The following VPS13B variants were observed in gnomAD, a reference collection of about 807,000 sequenced individuals.
VPS13B encodes the protein vacuolar protein sorting 13 homolog B.
Under a neutral mutation model 426.4 loss-of-function variants are expected in VPS13B, and 285 were observed. The observed-to-expected ratio is 0.67, with a 90% CI of 0.61 to 0.74. VPS13B has a LOEUF of 0.74. Among genes scored for constraint, VPS13B ranks in the 30% least tolerant of loss-of-function variants. The pLI, the probability that VPS13B is intolerant of heterozygous loss-of-function variation, is 0.00. For synonymous variants in VPS13B, 1,676 were observed against 1,676.4 expected (o/e 1.00, Z 0.01); for missense variants, 4,537 against 4,782.6 (o/e 0.95, Z 1.51).
At chr8:99,176,431 C>T (rs1360913636) in intron 16 of VPS13B, among the ~76,000 whole-genome samples, 1 of 152,096 alleles carries the variant, frequency 6.6e-6, no homozygotes, top group African/African-American at 2.4e-5. Context: ...GCCACCGCGC[C>T]CAGCCCTGTA....
rs1318548049 is a variant in VPS13B, at chr8:99,835,188, C to T, written c.9615-9C>T. The stretch of plus-strand genomic sequence containing the variant: ...AACATTTCTGTCATTTGACTTGATT[C>T]TCTTCCAGGGCTATAGTGCTGACAT... On this transcript the variant is annotated splice_polypyrimidine_tract_variant and intron_variant, in intron 52 of 61. Transcript: ENST00000357162. 2 of 1,613,714 alleles carry T rather than the reference C, an allele frequency of 1.2e-6. No individual in the cohort carries two copies. The highest frequency in any genetic ancestry group is 1.7e-6 in the Non-Finnish European group (2 of 1,179,916).
chr8:99,257,337 A>T (rs1320574595), intron 17 of VPS13B, among the ~76,000 whole-genome samples: 1 of 152,322 alleles, frequency 6.6e-6, no homozygotes, highest in Admixed American at 6.5e-5. Flanking sequence ...GAGTTCTTAT[A>T]GTAAAAAAAT....
chr8:99,174,000 C>T (rs983859446), intron 16 of VPS13B, among the ~76,000 whole-genome samples: 96 of 152,278 alleles, frequency 6.3e-4, no homozygotes, highest in Admixed American at 6.5e-5. Context: ...GCAGTAGTGC[C>T]ACCATTCAAC....
intron 27 of VPS13B, among the ~76,000 whole-genome samples, chr8:99,506,140 A>G (rs918194964): frequency 6.6e-5 from 10 of 152,316 alleles, no homozygotes; most frequent in Non-Finnish European, 1.2e-4. Flanking sequence ...GAGATATACA[A>G]TACAATCATT....
intron 2 of VPS13B, among the ~76,000 whole-genome samples, chr8:99,020,203 T>G (rs1216531215): frequency 6.6e-6 from 1 of 152,132 alleles, no homozygotes; most frequent in East Asian, 1.9e-4. Flanking sequence ...GATATCTCAA[T>G]GTGGTTTTAA....
In VPS13B at chr8:99,023,073, C is replaced by T. The variant is rs566797714; in HGVS notation, c.147+9138C>T. Among the ~76,000 whole-genome samples the T allele has an allele frequency of 1.8e-4, 28 of 151,916 alleles. 1 individual carries two copies. In the East Asian group the frequency reaches 3.3e-3, roughly 18 times the overall value. ...TGTTGATCATTGCTCACTGCAGCTT[C>T]GACCACATGGGCTCAGGTGATTCTC... On this transcript the variant is annotated intron_variant, in intron 2 of 61. Transcript: ENST00000357162.
At chr8:99,086,754 G>A (rs978013528) in intron 3 of VPS13B, among the ~76,000 whole-genome samples, 3 of 152,170 alleles carry the variant, frequency 2.0e-5, no homozygotes, top group African/African-American at 4.8e-5. Context: ...TATCAGCAGC[G>A]GAGGCTGCAG....
At chr8:99,261,417 T>A (rs1182642490) in intron 17 of VPS13B, among the ~76,000 whole-genome samples, 8 of 152,166 alleles carry the variant, frequency 5.3e-5, no homozygotes, top group Admixed American at 4.6e-4. Context: ...CATTTCTTTT[T>A]AGCAATAATA....
intron 43 of VPS13B, among the ~76,000 whole-genome samples, chr8:99,790,927 A>AT (rs1319955001): frequency 1.3e-5 from 2 of 152,182 alleles, no homozygotes; most frequent in African/African-American, 2.4e-5. Flanking sequence ...GGCTAAGGCC[A>AT]TGAGGGCTCC....
chr8:99,777,993 A>C (rs987652698), intron 41 of VPS13B, among the ~76,000 whole-genome samples: 5 of 152,120 alleles, frequency 3.3e-5, no homozygotes, highest in Admixed American at 6.5e-5. Context: ...ACACTTTGGG[A>C]GGCCGAGGCG....
chr8:99,495,414 T>C (rs1477547534), intron 25 of VPS13B, among the ~76,000 whole-genome samples: 2 of 152,248 alleles, frequency 1.3e-5, no homozygotes, highest in African/African-American at 2.4e-5. Context: ...ATCTGGTATC[T>C]GAACTTCTTT....
chr8:99,137,078 C>T (rs1212316729), intron 12 of VPS13B, among the ~76,000 whole-genome samples: 1 of 152,016 alleles, frequency 6.6e-6, no homozygotes, highest in Non-Finnish European at 1.5e-5. Context: ...ATTCTAAATA[C>T]ACTTTGAAGG....
chr8:99,556,325 T>C (rs1394541204), intron 30 of VPS13B, 125 bp from the exon 31 acceptor site: 2 of 999,226 alleles, frequency 2.0e-6, no homozygotes, highest in Non-Finnish European at 3.0e-6. Context: ...GTGCCCCAGT[T>C]TATTCATCAG....
chr8:99,617,258 T>C (rs1383862015), intron 33 of VPS13B, among the ~76,000 whole-genome samples: 2 of 152,224 alleles, frequency 1.3e-5, no homozygotes. Context: ...GTGAAACATA[T>C]GCAAATAATA....
At chr8:99,501,176 A>T (rs1208385207) in intron 25 of VPS13B, among the ~76,000 whole-genome samples, 1 of 152,224 alleles carries the variant, frequency 6.6e-6, no homozygotes, top group Non-Finnish European at 1.5e-5. Flanking sequence ...TCTAGATTCC[A>T]TTATAAATAC....
intron 19 of VPS13B, among the ~76,000 whole-genome samples, chr8:99,383,662 T>C (rs1813959093): frequency 6.6e-6 from 1 of 152,182 alleles, no homozygotes; most frequent in South Asian, 2.1e-4. Context: ...AATCTACTTT[T>C]TGTCTCTATG....
intron 8 of VPS13B, among the ~76,000 whole-genome samples, chr8:99,129,569 TAA>T (rs36029878): frequency 1.8e-4 from 14 of 79,100 alleles, no homozygotes; most frequent in African/African-American, 2.9e-4. Flanking sequence ...TGTGTCTCCT[TAA>T]AAAAAAAAAA....
intron 19 of VPS13B, among the ~76,000 whole-genome samples, chr8:99,327,607 A>T (rs996814395): frequency 6.6e-6 from 1 of 152,142 alleles, no homozygotes; most frequent in Non-Finnish European, 1.5e-5. Context: ...CAGTCAACAC[A>T]CTTCGGATAC....
intron 35 of VPS13B, among the ~76,000 whole-genome samples, chr8:99,688,780 G>T (rs1831525820): frequency 6.6e-6 from 1 of 152,032 alleles, no homozygotes; most frequent in Admixed American, 6.5e-5. Flanking sequence ...TGTATGTAAT[G>T]TATATACATG....
Sources: allele counts gnomAD v4.1 joint callset (sites outside exome capture counted in the v4.1 genomes callset), GRCh38; gene constraint gnomAD v4.1.1; transcripts MANE v1.5; gene names NCBI Gene and HGNC (gene_info 2026-07-23, HGNC 2026-07-21).